Variants in CNNM3 observed in about 807,000 individuals in gnomAD.
CNNM3 encodes the protein cyclin and CBS domain divalent metal cation transport mediator 3, also known as metal transporter CNNM3.
CNNM3 carries 47 observed loss-of-function variants against 57.1 expected under a neutral mutation model. That is an observed-to-expected ratio of 0.82 (90% CI 0.65 to 1.05). The LOEUF is 1.05. CNNM3 is among the 50% of genes least tolerant of loss of function. CNNM3 has a pLI of 0.00. For missense variants in CNNM3, 957 were observed against 973.7 expected (o/e 0.98, Z 0.23); for synonymous variants, 507 against 478.2 (o/e 1.06, Z -0.79).
rs1574119482 is a variant in CNNM3 at position 96,832,777 on chromosome 2, C to G, written c.*161C>G. The G allele has an allele frequency of 1.7e-5, 25 of 1,505,452 alleles. 1 individual carries two copies. In the Middle Eastern group the frequency reaches 5.4e-4, roughly 33 times the overall value. 93.3% of individuals were successfully genotyped at this position (1,505,452 alleles called of 1,614,324 possible). Reference sequence around the variant, plus strand: ...CCTGGGTGTCCTCAGAACTAGACATCAATGCCTGGATCCTTCAGCCGGCCC... The same window carrying G: ...CCTGGGTGTCCTCAGAACTAGACATGAATGCCTGGATCCTTCAGCCGGCCC... On this transcript the variant is annotated 3_prime_UTR_variant, in exon 8 of 8. Coordinates refer to ENST00000305510, the MANE Select transcript of CNNM3 (RefSeq NM_017623.5).
At chr2:96,829,589 CTG>C (rs1322717485) in intron 7 of CNNM3, among the ~76,000 whole-genome samples, 1 of 149,690 alleles carries the variant, frequency 6.7e-6, no homozygotes, top group African/African-American at 2.5e-5. Flanking sequence ...GCATGAACCA[CTG>C]TGCCCAACCC....
Position 96,817,387 on chromosome 2 carries a change from C to T in CNNM3, c.1110C>T (p.Phe370=), listed in dbSNP as rs1171304368. 16 of 1,614,176 alleles carry T rather than the reference C, an allele frequency of 9.9e-6. No homozygotes were observed. Among genetic ancestry groups the T allele is most frequent in the Non-Finnish European group, 1.3e-5 (15 of 1,180,040 alleles). The part of the protein sequence containing the change: ...VDMLYLKDLA[F]VDPEDCTPLS... ...TGCTCTACCTCAAGGACTTGGCCTT[C>T]GTGGATCCCGAAGACTGCACGCCGC... The change falls in exon 1 of 8, where the codon TTC becomes TTT. Residue 370 remains phenylalanine (F), a synonymous_variant. Transcript: ENST00000305510.
At chr2:96,818,339 T>G (rs984345024) in intron 1 of CNNM3, among the ~76,000 whole-genome samples, 4 of 151,068 alleles carry the variant, frequency 2.6e-5, no homozygotes, top group African/African-American at 9.8e-5. Flanking sequence ...TGCCTCGCCC[T>G]CCCAAAGTGC....
At chr2:96,828,818 G>C in intron 6 of CNNM3, 118 bp downstream of exon 6, 1 of 1,497,088 alleles carries the variant, frequency 6.7e-7, no homozygotes, top group Non-Finnish European at 9.1e-7. Context: ...GAGGGACACA[G>C]ACCTTTGCAC....
chr2:96,833,024 C>T lies in CNNM3; in HGVS notation c.*408C>T. On this transcript the variant is annotated 3_prime_UTR_variant, in exon 8 of 8. Transcript: ENST00000305510. ...TGTGGCCGTGACCTCTATTTGTTTG[C>T]TTTTAATTTGCCAACCTATCGCTGC... 7.6e-7 allele frequency: 1 copy of T among 1,307,510 alleles called. No homozygotes were observed. Among genetic ancestry groups the T allele is most frequent in the Non-Finnish European group, 1.0e-6 (1 of 1,000,740 alleles). The allele number at this position is 1,307,510 out of a possible 1,614,324, so 81.0% of individuals were successfully genotyped here.
In CNNM3 at chr2:96,817,027, G is replaced by T. The variant is rs776019140; in HGVS notation, c.750G>T (p.Ala250=). 5.9e-6 allele frequency: 8 copies of T among 1,366,442 alleles called. No homozygotes were observed. Among genetic ancestry groups the T allele is most frequent in the African/African-American group, 3.1e-5 (2 of 64,868 alleles). The allele number at this position is 1,366,442 out of a possible 1,614,324, so 84.6% of individuals were successfully genotyped here. ...PAAVSGRWTL[A]LAPRALGLSR... Reference sequence around the variant, plus strand: ...CCGTGAGCGGGCGCTGGACGCTGGCGCTGGCGCCGCGAGCGCTCGGCCTCA... The same window carrying T: ...CCGTGAGCGGGCGCTGGACGCTGGCTCTGGCGCCGCGAGCGCTCGGCCTCA... Residue 250 remains alanine, a synonymous_variant, in exon 1 of 8, where the codon GCG becomes GCT. Coordinates refer to ENST00000305510, the MANE Select transcript of CNNM3 (RefSeq NM_017623.5).
intron 1 of CNNM3, among the ~76,000 whole-genome samples, chr2:96,823,879 C>T (rs2079450272): frequency 6.6e-6 from 1 of 152,198 alleles, no homozygotes; most frequent in Non-Finnish European, 1.5e-5. Flanking sequence ...GCTGTGCTAC[C>T]TAAAGGTGGA....
intron 1 of CNNM3, among the ~76,000 whole-genome samples, chr2:96,821,710 A>G (rs1024538026): frequency 1.3e-5 from 2 of 152,228 alleles, no homozygotes; most frequent in African/African-American, 4.8e-5. Context: ...CATCTAACCT[A>G]CCAAACCAAA....
At chr2:96,828,493 A>G in intron 5 of CNNM3, 74 bp from the exon 6 acceptor site, 5 of 1,582,080 alleles carry the variant, frequency 3.2e-6, no homozygotes, top group East Asian at 2.2e-5. Context: ...GAAACTGTAC[A>G]GTTGTCCCCA....
intron 3 of CNNM3, 129 bp downstream of exon 3, chr2:96,827,111 T>C (rs768620872): frequency 3.0e-5 from 30 of 1,002,736 alleles, no homozygotes; most frequent in Non-Finnish European, 4.2e-5. Flanking sequence ...ACTTCTGTGT[T>C]CTCTGCAGCC....
intron 4 of CNNM3, 92 bp downstream of exon 4, chr2:96,827,992 C>A: frequency 1.3e-6 from 2 of 1,551,406 alleles, no homozygotes; most frequent in Non-Finnish European, 1.8e-6. Flanking sequence ...TGCGGATATG[C>A]ACCCTCCCAC....
At chr2:96,826,610 A>T (rs552168783) in intron 2 of CNNM3, among the ~76,000 whole-genome samples, 16 of 152,358 alleles carry the variant, frequency 1.1e-4, no homozygotes, top group African/African-American at 3.4e-4. Context: ...CATTCTCTTC[A>T]GCCAGCTCCA....
Position 96,833,091 on chromosome 2 carries a change from T to TG in CNNM3, c.*480dup. 8.8e-7 allele frequency: 1 copy of TG among 1,140,786 alleles called. No individual in the cohort carries two copies. The highest frequency in any genetic ancestry group is 1.2e-6 in the Non-Finnish European group (1 of 855,778). 70.7% of individuals were successfully genotyped at this position (1,140,786 alleles called of 1,614,324 possible). ...GCAAGCCGAGAGCACCCATTTTGGC[T>TG]GGGGGTTCAGATCGATGGCCTTGTC... On this transcript the variant is annotated 3_prime_UTR_variant, in exon 8 of 8. Transcript: ENST00000305510.
intron 6 of CNNM3, 55 bp downstream of exon 6, chr2:96,828,755 G>A: frequency 1.9e-6 from 3 of 1,607,672 alleles, no homozygotes; most frequent in Non-Finnish European, 1.7e-6. Flanking sequence ...GTGTCACCGG[G>A]GGCTAGACCA....
At chr2:96,835,980 T>C (rs2079685885), downstream of CNNM3, among the ~76,000 whole-genome samples, 10 of 152,280 alleles carry the variant, frequency 6.6e-5, 1 homozygote, top group South Asian at 2.1e-3. Context: ...CATTTTCTGA[T>C]TGGATTGTTT....
intron 6 of CNNM3, 111 bp from the exon 7 acceptor site, chr2:96,828,885 A>C: frequency 6.6e-7 from 1 of 1,526,420 alleles, no homozygotes; most frequent in East Asian, 2.3e-5. Context: ...CTCTGCCCTT[A>C]ACTAGCTTAA....
At chr2:96,824,358 C>A (rs1194180641) in intron 1 of CNNM3, among the ~76,000 whole-genome samples, 1 of 152,210 alleles carries the variant, frequency 6.6e-6, no homozygotes, top group Admixed American at 6.5e-5. Context: ...TGGCCAGCTA[C>A]CACTCTTCTC....
chr2:96,821,467 C>T (rs956928607), intron 1 of CNNM3, among the ~76,000 whole-genome samples: 16 of 152,076 alleles, frequency 1.1e-4, no homozygotes, highest in African/African-American at 3.9e-4. Context: ...GCTGTGTCTG[C>T]TAGGGAACTT....
chr2:96,832,258 C>T lies in CNNM3; in HGVS notation c.2060-294C>T, dbSNP rs560749375. On this transcript the variant is annotated intron_variant, in intron 7 of 7. Coordinates refer to ENST00000305510, the MANE Select transcript of CNNM3 (RefSeq NM_017623.5). Reference sequence around the variant, plus strand: ...CCTCCACTGTGGAAAATGGTGCTTCCTTCCAGCACAGGGTGCTGTATCGTC... The same window carrying T: ...CCTCCACTGTGGAAAATGGTGCTTCTTTCCAGCACAGGGTGCTGTATCGTC... 1.0e-5 allele frequency: 10 copies of T among 985,370 alleles called. No individual in the cohort carries two copies. In the African/African-American group the frequency reaches 1.6e-4, roughly 15 times the overall value. The allele number at this position is 985,370 out of a possible 1,614,324, so 61.0% of individuals were successfully genotyped here.
Sources: gnomAD v4.1 joint callset for allele counts (sites outside exome capture counted in the v4.1 genomes callset) on GRCh38, gnomAD v4.1.1 for gene constraint, MANE v1.5 for transcripts, NCBI Gene and HGNC (gene_info 2026-07-23, HGNC 2026-07-21) for gene names.